The following FRAS1 variants were observed in gnomAD, a reference collection of about 807,000 sequenced individuals.
The protein encoded by FRAS1 is extracellular matrix organizing protein FRAS1.
In FRAS1, 290 loss-of-function variants were observed where a neutral mutation model predicts 435.2. The observed-to-expected ratio is 0.67, with a 90% CI of 0.61 to 0.73. The LOEUF (loss-of-function observed/expected upper bound fraction) is 0.73. FRAS1 is among the 30% of genes least tolerant of loss of function. FRAS1 has a pLI of 0.00. For missense variants in FRAS1, 4,860 were observed against 5,001.5 expected (o/e 0.97, Z 0.85); for synonymous variants, 1,800 against 1,851.0 (o/e 0.97, Z 0.71).
intron 9 of FRAS1, among the ~76,000 whole-genome samples, chr4:78,273,935 A>G (rs1340139158): frequency 6.6e-6 from 1 of 152,140 alleles, no homozygotes; most frequent in Non-Finnish European, 1.5e-5. Flanking sequence ...CTGTGAATCC[A>G]TCTGGTCCTG....
In FRAS1 at chr4:78,515,805, G is replaced by C. The variant is rs750976613; in HGVS notation, c.10181G>C (p.Gly3394Ala). ...GTTCTTCCCTCCCTGGCAGAGGCAG[G>C]GTTCCTGGATGATGTGGTCTATGAT... ...TYDLRGISEAGFLDDVVYDST... is the reference protein window; with the variant it reads ...TYDLRGISEAAFLDDVVYDST... The change falls in exon 66 of 74, where the codon GGG becomes GCG. Residue 3394 changes from glycine (G) to alanine (A), a missense_variant. Transcript: ENST00000512123. The C allele has an allele frequency of 2.9e-5, 47 of 1,613,460 alleles. No individual in the cohort carries two copies. The highest frequency in any genetic ancestry group is 3.3e-5 in the Non-Finnish European group (39 of 1,179,784).
At chr4:78,467,836 G>A (rs112318985) in intron 50 of FRAS1, among the ~76,000 whole-genome samples, 35 of 152,210 alleles carry the variant, frequency 2.3e-4, no homozygotes, top group Middle Eastern at 3.4e-3. Flanking sequence ...GATATTGAGC[G>A]TCTTTTCATA....
intron 2 of FRAS1, among the ~76,000 whole-genome samples, chr4:78,143,741 AT>A (rs141846549): frequency 0.2 from 25,307 of 124,486 alleles, 2,332 homozygotes; most frequent in Admixed American, 0.25. Flanking sequence ...ACTAAAAATA[AT>A]AAAAAAAAAA....
intron 56 of FRAS1, 87 bp downstream of exon 56, chr4:78,479,805 G>C: frequency 9.6e-7 from 1 of 1,042,436 alleles, no homozygotes; most frequent in South Asian, 2.0e-5. Context: ...GAATATCCGG[G>C]AGACATTGAG....
At chr4:78,366,220 G>A (rs12643932) in intron 22 of FRAS1, among the ~76,000 whole-genome samples, 25,371 of 152,060 alleles carry the variant, frequency 0.17, 2,717 homozygotes, top group East Asian at 0.33. Flanking sequence ...GTTGAGGTAG[G>A]AACTTTAAAA....
intron 2 of FRAS1, among the ~76,000 whole-genome samples, chr4:78,164,630 G>C (rs762067471): frequency 8.6e-5 from 13 of 151,916 alleles, no homozygotes; most frequent in Non-Finnish European, 1.3e-4. Flanking sequence ...AAGTTTAAAG[G>C]CATGTTAAAA....
At chr4:78,178,869 T>G (rs116357787) in intron 2 of FRAS1, among the ~76,000 whole-genome samples, 1 of 152,194 alleles carries the variant, frequency 6.6e-6, no homozygotes, top group Non-Finnish European at 1.5e-5. Flanking sequence ...GGATACTGTA[T>G]GTGGAGTACC....
Position 78,541,008 on chromosome 4 carries a change from A to C in FRAS1, c.11923A>C (p.Asn3975His). Reference protein sequence around the residue: ...NVNRHYCTVRNVNILSEPEAA... With the variant: ...NVNRHYCTVRHVNILSEPEAA... ...GAATAGACACTACTGCACTGTGCGG[A>C]ACGTCAACATCCTGAGTGAGCCTGA... The change falls in exon 74 of 74, where the codon AAC (asparagine) becomes CAC (histidine). Residue 3975 changes from asparagine (N) to histidine (H), a missense_variant. Physicochemically the swap from Asn to His is moderately conservative, Grantham distance 68 (BLOSUM62 1). Transcript: ENST00000512123. 1 of 1,564,880 alleles carries C rather than the reference A, an allele frequency of 6.4e-7. No homozygotes were observed. Among genetic ancestry groups the C allele is most frequent in the Non-Finnish European group, 8.7e-7 (1 of 1,151,304 alleles).
At chr4:78,064,983 G>GGGCACCTGC (rs1485330060) in intron 1 of FRAS1, among the ~76,000 whole-genome samples, 253 of 149,948 alleles carry the variant, frequency 1.7e-3, no homozygotes, top group African/African-American at 6.1e-3. Context: ...GTTAAATCAA[G>GGGCACCTGC]ACCTGTTGTG....
intron 14 of FRAS1, among the ~76,000 whole-genome samples, chr4:78,305,389 A>G (rs1728658616): frequency 6.6e-6 from 1 of 150,604 alleles, no homozygotes; most frequent in African/African-American, 2.4e-5. Flanking sequence ...TGCTTGGTGC[A>G]GAGCTGAGTT....
intron 2 of FRAS1, among the ~76,000 whole-genome samples, chr4:78,113,945 G>A (rs1366285673): frequency 6.6e-6 from 1 of 152,014 alleles, no homozygotes; most frequent in Non-Finnish European, 1.5e-5. Flanking sequence ...TTTCTTCTAG[G>A]GTTTTTATGG....
intron 70 of FRAS1, among the ~76,000 whole-genome samples, chr4:78,530,207 A>G (rs1015616478): frequency 1.3e-5 from 2 of 151,956 alleles, no homozygotes; most frequent in African/African-American, 4.8e-5. Context: ...TAGGTTCTGG[A>G]TTTTTTAAGG....
intron 2 of FRAS1, among the ~76,000 whole-genome samples, chr4:78,148,177 TC>T (rs1377544783): frequency 6.6e-6 from 1 of 152,108 alleles, no homozygotes; most frequent in African/African-American, 2.4e-5. Flanking sequence ...ACTAATTTTT[TC>T]ATTGGTGAGT....
intron 26 of FRAS1, chr4:78,379,493 C>G: frequency 2.0e-6 from 1 of 489,912 alleles, no homozygotes; most frequent in South Asian, 2.5e-5. Context: ...GTGTATTCTT[C>G]AGGAATACCG....
rs1307651110 is a variant in FRAS1 at position 78,466,408 on chromosome 4, C to G, written c.7230C>G (p.Phe2410Leu). 2 of 1,613,730 alleles carry G rather than the reference C, an allele frequency of 1.2e-6. No individual in the cohort carries two copies. Among genetic ancestry groups the G allele is most frequent in the Admixed American group, 1.7e-5 (1 of 60,010 alleles). ...TFTVSDGTNP[F>L]FIIEEGGKEI... ...CTGTTTCTGATGGGACAAACCCCTT[C>G]TTTATCATTGAGGAAGGGGGAAAAG... is the stretch of plus-strand genomic sequence containing the variant. The change falls in exon 50 of 74, where the codon TTC (phenylalanine) becomes TTG (leucine). Residue 2410 changes from phenylalanine (F) to leucine (L), a missense_variant. Transcript: ENST00000512123.
intron 18 of FRAS1, among the ~76,000 whole-genome samples, chr4:78,327,264 T>C (rs1729755347): frequency 6.6e-6 from 1 of 151,966 alleles, no homozygotes; most frequent in African/African-American, 2.4e-5. Flanking sequence ...AAAAGGAGGG[T>C]ACTCATTTCA....
chr4:78,525,555 C>A (rs1472706100), intron 69 of FRAS1, among the ~76,000 whole-genome samples: 2 of 152,220 alleles, frequency 1.3e-5, no homozygotes, highest in Non-Finnish European at 2.9e-5. Flanking sequence ...TTAACCAAAT[C>A]TTTGCTGTCA....
Position 78,446,556 on chromosome 4 carries a change from G to C in FRAS1, c.5857-171G>C, listed in dbSNP as rs115393633. On this transcript the variant is annotated intron_variant, in intron 42 of 73. Coordinates refer to ENST00000512123, the MANE Select transcript of FRAS1 (RefSeq NM_025074.7). ...TTTGAAGGGGGCATTTTGTTGCCTG[G>C]ACTTGCTCTCTTTTCAAACTAACTA... 2.3e-3 allele frequency: 3,184 copies of C among 1,380,716 alleles called. 52 individuals are homozygous for C. In the African/African-American group the frequency reaches 0.044, roughly 19 times the overall value. The allele number at this position is 1,380,716 out of a possible 1,614,324, so 85.5% of individuals were successfully genotyped here. A position where few individuals can be genotyped will look rare whatever the true frequency, so the allele number is the denominator to read the frequency against.
At chr4:78,077,096 A>C (rs1188322931) in intron 2 of FRAS1, among the ~76,000 whole-genome samples, 1 of 152,196 alleles carries the variant, frequency 6.6e-6, no homozygotes, top group Non-Finnish European at 1.5e-5. Context: ...TCACACCTAT[A>C]ATGCCAGCAT....
Sources: gnomAD v4.1 joint callset for allele counts (sites outside exome capture counted in the v4.1 genomes callset) on GRCh38, gnomAD v4.1.1 for gene constraint, MANE v1.5 for transcripts, NCBI Gene and HGNC (gene_info 2026-07-23, HGNC 2026-07-21) for gene names.